TENM1: variants seen among roughly 807,000 people sequenced by gnomAD.
TENM1 encodes the protein teneurin-1.
In TENM1, 35 loss-of-function variants were observed where a neutral mutation model predicts 174.8. The ratio of observed to expected loss-of-function variants is 0.20; its 90% CI spans 0.15 to 0.27. The LOEUF (loss-of-function observed/expected upper bound fraction) is 0.27. Ranked by LOEUF, TENM1 falls within the 10% of genes least tolerant of loss-of-function variation. TENM1 has a pLI of 1.00. For synonymous variants in TENM1, 781 were observed against 798.7 expected, an observed-to-expected ratio of 0.98 and a Z score of 0.37; for missense variants, 1,633 against 2,130.1, an observed-to-expected ratio of 0.77 and a Z score of 4.59.
At chrX:124,502,448 G>A (rs1045913037) in intron 19 of TENM1, among the ~76,000 whole-genome samples, 2 of 112,308 alleles carry the variant, frequency 1.8e-5, no homozygotes, top group African/African-American at 6.5e-5. Context: ...TCAATGACAG[G>A]CATTTGAAAG....
chrX:124,527,417 A>G (rs1293692091), intron 16 of TENM1, among the ~76,000 whole-genome samples: 2 of 111,135 alleles, frequency 1.8e-5, no homozygotes, highest in Non-Finnish European at 3.8e-5. Flanking sequence ...AAATATTTCT[A>G]CATCCCACAT....
chrX:125,127,254 A>C, the TENM1 span, among the ~76,000 whole-genome samples: 2 of 111,505 alleles, frequency 1.8e-5, no homozygotes, highest in African/African-American at 6.5e-5. Context: ...CCCCCACTCT[A>C]CTACTTTTTT....
At chrX:124,853,021 T>C (rs2056751189) in intron 3 of TENM1, among the ~76,000 whole-genome samples, 1 of 112,024 alleles carries the variant, frequency 8.9e-6, no homozygotes. Flanking sequence ...TACATTTAAT[T>C]TATTCAACAA....
the TENM1 span, among the ~76,000 whole-genome samples, chrX:125,047,800 T>C: frequency 4.5e-5 from 5 of 111,798 alleles, no homozygotes; most frequent in Non-Finnish European, 9.4e-5. Context: ...TTTATGTTTT[T>C]GTTATACTTA....
At chrX:124,479,292 C>A (rs750519008) in intron 22 of TENM1, among the ~76,000 whole-genome samples, 1 of 112,171 alleles carries the variant, frequency 8.9e-6, no homozygotes, top group Non-Finnish European at 1.9e-5. Context: ...GCTTCAGGAA[C>A]GTTATGTGTA....
At position 124,518,328 on chromosome X, in the gene TENM1, A is replaced by G. The variant is rs549868857; in HGVS notation, c.3301+2189T>C. On this transcript the variant is annotated intron_variant, in intron 18 of 31. Transcript: ENST00000422452. ...AGTTAAAGAGCAAGGTGTTCAGGGA[A>G]TGCAGTCCATGGAAGCCAGCCTCTC... is the stretch of plus-strand genomic sequence containing the variant. Among the ~76,000 whole-genome samples the G allele has an allele frequency of 4.7e-5, 5 of 105,370 alleles. No individual in the cohort carries two copies. In the South Asian group the frequency reaches 2.4e-3, roughly 50 times the overall value. The allele number at this position is 105,370 out of a possible 115,157, so 91.5% of individuals were successfully genotyped here.
intron 18 of TENM1, among the ~76,000 whole-genome samples, chrX:124,517,101 T>C (rs939839391): frequency 4.5e-5 from 5 of 110,594 alleles, no homozygotes; most frequent in African/African-American, 1.6e-4. Context: ...TAAATGATGA[T>C]AACTCATGGA....
intron 3 of TENM1, among the ~76,000 whole-genome samples, chrX:124,878,545 G>A (rs1304478418): frequency 9.2e-6 from 1 of 109,257 alleles, no homozygotes; most frequent in East Asian, 2.9e-4. Context: ...AATGAGCCAG[G>A]CATCCCTCTC....
intron 3 of TENM1, among the ~76,000 whole-genome samples, chrX:124,851,208 C>T (rs1390607999): frequency 9.0e-6 from 1 of 111,436 alleles, no homozygotes; most frequent in African/African-American, 3.3e-5. Flanking sequence ...AGATCAGAGA[C>T]TGAGGTCAAG....
At chrX:124,779,767 T>C (rs1299785100) in intron 3 of TENM1, among the ~76,000 whole-genome samples, 2 of 111,854 alleles carry the variant, frequency 1.8e-5, no homozygotes, top group Non-Finnish European at 3.8e-5. Flanking sequence ...AAACACCTCA[T>C]ACATGGTAAT....
chrX:124,765,371 C>A (rs1244277613), intron 3 of TENM1, among the ~76,000 whole-genome samples: 1 of 111,972 alleles, frequency 8.9e-6, no homozygotes, highest in Non-Finnish European at 1.9e-5. Flanking sequence ...CTTGTTTTAT[C>A]TTCCCTAACA....
chrX:124,700,150 A>T (rs1448190415), intron 5 of TENM1, among the ~76,000 whole-genome samples: 1 of 111,972 alleles, frequency 8.9e-6, no homozygotes, highest in Non-Finnish European at 1.9e-5. Context: ...TCAGATAAAA[A>T]TACAAAACCA....
the TENM1 span, among the ~76,000 whole-genome samples, chrX:125,171,643 T>A: frequency 8.2e-4 from 91 of 111,436 alleles, no homozygotes; most frequent in Non-Finnish European, 1.1e-3. Context: ...AGAAGTCACA[T>A]CACTGTCAAG....
chrX:124,829,161 C>A (rs1361663262), intron 3 of TENM1, among the ~76,000 whole-genome samples: 1 of 111,836 alleles, frequency 8.9e-6, no homozygotes, highest in East Asian at 2.8e-4. Flanking sequence ...AAGATTATGG[C>A]AAAAATAATC....
At chrX:124,497,712 T>C (rs1333261788) in intron 19 of TENM1, among the ~76,000 whole-genome samples, 1 of 111,795 alleles carries the variant, frequency 8.9e-6, no homozygotes, top group Non-Finnish European at 1.9e-5. Context: ...TCAATTTTAA[T>C]ATTAACCTTA....
intron 3 of TENM1, among the ~76,000 whole-genome samples, chrX:124,885,813 C>G (rs761177386): frequency 9.0e-6 from 1 of 111,168 alleles, no homozygotes; most frequent in African/African-American, 3.3e-5. Context: ...CCCCTTTTCT[C>G]TAAAGATATT....
chrX:124,511,762 T>C (rs2047589768), intron 18 of TENM1, among the ~76,000 whole-genome samples: 1 of 112,421 alleles, frequency 8.9e-6, no homozygotes, highest in African/African-American at 3.2e-5. Flanking sequence ...GCTTAGGTTT[T>C]ACTGAAGGGA....
At chrX:124,593,223 C>T (rs562803812) in intron 11 of TENM1, among the ~76,000 whole-genome samples, 1 of 110,749 alleles carries the variant, frequency 9.0e-6, no homozygotes, top group East Asian at 2.9e-4. Context: ...CCTGGGCATG[C>T]AGCAGAGAGG....
chrX:124,895,975 T>C lies in TENM1; in HGVS notation c.478+6A>G, dbSNP rs1175957627. 8.3e-7 allele frequency: 1 copy of C among 1,210,470 alleles called. No homozygotes were observed. The highest frequency in any genetic ancestry group is 3.0e-5 in the East Asian group (1 of 33,798). ...TTTTACTTAAACAATTCAAGTAGTT[T>C]ATTACCATTTTCCCCATCAGACTTC... On this transcript the variant is annotated splice_donor_region_variant and intron_variant, in intron 2 of 31. Transcript: ENST00000422452.
Sources: allele counts gnomAD v4.1 joint callset (sites outside exome capture counted in the v4.1 genomes callset), GRCh38; gene constraint gnomAD v4.1.1; transcripts MANE v1.5; gene names NCBI Gene and HGNC (gene_info 2026-07-23, HGNC 2026-07-21).